Variants in ARPC1B observed in about 807,000 individuals in gnomAD.
The protein encoded by ARPC1B is actin-related protein 2/3 complex subunit 1B.
A neutral mutation model predicts 46.0 loss-of-function variants in ARPC1B; 29 were observed. The ratio of observed to expected loss-of-function variants is 0.63; its 90% CI spans 0.47 to 0.86. The LOEUF is 0.86. Among genes scored for constraint, ARPC1B ranks in the 40% least tolerant of loss-of-function variants. The pLI, the probability that ARPC1B is intolerant of heterozygous loss-of-function variation, is 0.00. For missense variants in ARPC1B, 469 were observed against 529.4 expected, an observed-to-expected ratio of 0.89 and a Z score of 1.12; for synonymous variants, 201 against 213.9, an observed-to-expected ratio of 0.94 and a Z score of 0.53.
intron 7 of ARPC1B, 108 bp from the exon 8 acceptor site, chr7:99,392,563 A>T: frequency 2.0e-6 from 2 of 1,014,844 alleles, no homozygotes; most frequent in Admixed American, 6.2e-5. Context: ...GCCCGTCTGT[A>T]TCCTTGAGCT....
intron 7 of ARPC1B, among the ~76,000 whole-genome samples, 168 bp downstream of exon 7, chr7:99,391,421 C>T (rs1235647922): frequency 2.0e-5 from 3 of 152,104 alleles, no homozygotes; most frequent in Non-Finnish European, 4.4e-5. Context: ...GCTGCAGTAA[C>T]CAAAAGTCCC....
chr7:99,385,427 G>A (rs540343890), intron 1 of ARPC1B, among the ~76,000 whole-genome samples: 4 of 151,898 alleles, frequency 2.6e-5, no homozygotes, highest in East Asian at 1.9e-4. Flanking sequence ...CTGTAGTACC[G>A]TCTCCTCCAC....
At chr7:99,387,196 C>T (rs554818184) in intron 3 of ARPC1B, among the ~76,000 whole-genome samples, 1 of 152,314 alleles carries the variant, frequency 6.6e-6, no homozygotes, top group Non-Finnish European at 1.5e-5. Context: ...AATCCCAGCA[C>T]TTCAGGAGGC....
intron 1 of ARPC1B, among the ~76,000 whole-genome samples, chr7:99,380,447 A>G (rs929946603): frequency 6.6e-6 from 1 of 152,194 alleles, no homozygotes; most frequent in Non-Finnish European, 1.5e-5. Context: ...GGGTTTGTTC[A>G]ACAGACTAGG....
In ARPC1B at chr7:99,389,923, CAAG is replaced by C. The variant is rs1279922140; in HGVS notation, c.415_417del (p.Lys139del). The C allele has an allele frequency of 2.5e-5, 40 of 1,614,046 alleles. No homozygotes were observed. Among genetic ancestry groups the C allele is most frequent in the Non-Finnish European group, 3.4e-5 (40 of 1,180,022 alleles). On this transcript the variant is annotated inframe_deletion, in exon 5 of 10. Transcript: ENST00000646101. ...TTCCCAGGTGGGTTTGCAAGCACAT[CAAG>C]AAGCCCATCCGCTCCACCGTCCTCA...
chr7:99,383,701 C>T (rs918162174), intron 1 of ARPC1B, among the ~76,000 whole-genome samples: 1 of 152,146 alleles, frequency 6.6e-6, no homozygotes, highest in Admixed American at 6.6e-5. Context: ...CCGTGTGTGC[C>T]GGTATCTGGG....
chr7:99,375,186 C>A (rs1793997135), intron 1 of ARPC1B, among the ~76,000 whole-genome samples: 1 of 152,222 alleles, frequency 6.6e-6, no homozygotes, highest in Non-Finnish European at 1.5e-5. Context: ...GGCCCCCATC[C>A]CCAGCCTTGC....
chr7:99,378,933 C>T (rs1224065793), intron 1 of ARPC1B, among the ~76,000 whole-genome samples: 1 of 151,538 alleles, frequency 6.6e-6, no homozygotes, highest in Non-Finnish European at 1.5e-5. Flanking sequence ...CCCGCCACCA[C>T]GCCCGGCTTA....
At position 99,388,109 on chromosome 7, in the gene ARPC1B, G is replaced by A. The variant is rs373569413; in HGVS notation, c.240G>A (p.Thr80=). The change falls in exon 4 of 10, where the codon ACG becomes ACA. Residue 80 remains threonine (T), a synonymous_variant. Coordinates refer to ENST00000646101, the MANE Select transcript of ARPC1B (RefSeq NM_005720.4). ...CGTDRNAYVW[T]LKGRTWKPTL... is the part of the protein sequence containing the mutation. ...CAGACCGCAACGCCTACGTGTGGAC[G>A]CTGAAGGGCCGCACATGGAAGCCCA... 186 of 1,614,130 alleles carry A rather than the reference G, an allele frequency of 1.2e-4. No homozygotes were observed. Among genetic ancestry groups the A allele is most frequent in the South Asian group, 1.6e-4 (15 of 91,082 alleles).
rs992853597 is a variant in ARPC1B, at chr7:99,394,171, C to T, written c.1080+52C>T. The T allele has an allele frequency of 1.3e-5, 20 of 1,567,594 alleles. No individual in the cohort carries two copies. The African/African-American group carries it at 2.0e-4, about 16-fold the overall frequency. ...GCCATGCCTCCCAGGTCAACCCTTT[C>T]CCCCCATCCCCACTCCCTGGAGATG... On this transcript the variant is annotated intron_variant, in intron 9 of 9. Coordinates refer to ENST00000646101, the MANE Select transcript of ARPC1B (RefSeq NM_005720.4).
chr7:99,387,033 T>TCTTGG (rs1794411982), intron 3 of ARPC1B, among the ~76,000 whole-genome samples: 1 of 152,256 alleles, frequency 6.6e-6, no homozygotes, highest in Admixed American at 6.5e-5. Context: ...CTTTTCTGCC[T>TCTTGG]CTTGGCTTTG....
rs1408404498 is a variant in ARPC1B, at chr7:99,388,113, A to T, written c.244A>T (p.Lys82Ter). Reference protein sequence around the residue: ...TDRNAYVWTLKGRTWKPTLVI... With the variant: ...TDRNAYVWTL ...CCGCAACGCCTACGTGTGGACGCTG[A>T]AGGGCCGCACATGGAAGCCCACGCT... is the stretch of plus-strand genomic sequence containing the variant. Residue 82 changes from lysine to a stop codon, truncating the protein, a stop_gained, in exon 4 of 10, where the codon AAG (lysine) becomes TAG (stop). Coordinates refer to ENST00000646101, the MANE Select transcript of ARPC1B (RefSeq NM_005720.4). LOFTEE classifies it high-confidence loss of function. 1 of 1,614,064 alleles carries T rather than the reference A, an allele frequency of 6.2e-7. No individual in the cohort carries two copies. The highest frequency in any genetic ancestry group is 1.3e-5 in the African/African-American group (1 of 75,012).
intron 1 of ARPC1B, among the ~76,000 whole-genome samples, chr7:99,376,801 C>T (rs189791592): frequency 0.014 from 2,058 of 148,242 alleles, 22 homozygotes; most frequent in Non-Finnish European, 0.019. Context: ...ACCTGGGAGG[C>T]GGAGGTTGCG....
At chr7:99,386,326 C>T in intron 2 of ARPC1B, 2 of 415,614 alleles carry the variant, frequency 4.8e-6, no homozygotes, top group Non-Finnish European at 9.2e-6. Flanking sequence ...GACATTTTGA[C>T]ATTTACCCAG....
At chr7:99,383,619 C>T (rs1030193873) in intron 1 of ARPC1B, among the ~76,000 whole-genome samples, 9 of 152,168 alleles carry the variant, frequency 5.9e-5, no homozygotes, top group Admixed American at 2.0e-4. Flanking sequence ...GAAGGTGCTG[C>T]AGTTTCCAGG....
At chr7:99,378,968 G>A (rs753317144) in intron 1 of ARPC1B, among the ~76,000 whole-genome samples, 11 of 151,574 alleles carry the variant, frequency 7.3e-5, no homozygotes, top group Non-Finnish European at 1.5e-4. Context: ...TAGTAGAGAC[G>A]GGGTTTCACC....
intron 8 of ARPC1B, 118 bp from the exon 9 acceptor site, chr7:99,393,911 T>G (rs1203168421): frequency 2.3e-5 from 22 of 974,434 alleles, no homozygotes; most frequent in Non-Finnish European, 3.4e-5. Context: ...CTACACCCCC[T>G]CGGTACTTCT....
intron 1 of ARPC1B, among the ~76,000 whole-genome samples, chr7:99,384,860 C>CT (rs1245581099): frequency 0.025 from 2,533 of 101,190 alleles, 99 homozygotes; most frequent in African/African-American, 0.074. Context: ...TACTTCATTT[C>CT]TTTTTTTTTT....
intron 1 of ARPC1B, among the ~76,000 whole-genome samples, chr7:99,375,722 AGGCCAGCAT>A (rs1179512526): frequency 1.3e-5 from 2 of 152,220 alleles, no homozygotes; most frequent in Non-Finnish European, 2.9e-5. Flanking sequence ...CAGGAGTTGG[AGGCCAGCAT>A]GGACAGCATT....
Sources: gnomAD v4.1 joint callset for allele counts (sites outside exome capture counted in the v4.1 genomes callset) on GRCh38, gnomAD v4.1.1 for gene constraint, MANE v1.5 for transcripts, NCBI Gene and HGNC (gene_info 2026-07-23, HGNC 2026-07-21) for gene names.